ASPRV1: variants seen among roughly 807,000 people sequenced by gnomAD.
ASPRV1 encodes aspartic peptidase retroviral like 1.
A neutral mutation model predicts 11.0 loss-of-function variants in ASPRV1; 7 were observed. The ratio of observed to expected loss-of-function variants is 0.64; its 90% confidence interval spans 0.36 to 1.20. The LOEUF is 1.20. Among genes scored for constraint, ASPRV1 ranks in the 50% most tolerant of loss-of-function variants. ASPRV1 has a pLI of 0.02. For missense variants in ASPRV1, 299 were observed against 320.0 expected (o/e 0.93, Z 0.50); for synonymous variants, 136 against 138.4 (o/e 0.98, Z 0.12).
At chr2:69,935,553 T>C in the ASPRV1 span, 11 of 852,726 alleles carry the variant, frequency 1.3e-5, no homozygotes, top group Non-Finnish European at 2.2e-5. Flanking sequence ...TCCTCTCCCC[T>C]GAACTCCTCC....
the ASPRV1 span, among the ~76,000 whole-genome samples, chr2:69,949,949 G>A: frequency 6.6e-6 from 1 of 152,018 alleles, no homozygotes; most frequent in Non-Finnish European, 1.5e-5. Flanking sequence ...CCGAGTAGCT[G>A]GGATTACAGG....
the ASPRV1 span, among the ~76,000 whole-genome samples, chr2:70,080,408 G>A: frequency 6.6e-6 from 1 of 152,168 alleles, no homozygotes; most frequent in South Asian, 2.1e-4. Context: ...TGTATTTTTA[G>A]TAGAGACAGG....
At chr2:70,038,346 G>A in the ASPRV1 span, among the ~76,000 whole-genome samples, 1 of 152,272 alleles carries the variant, frequency 6.6e-6, no homozygotes, top group South Asian at 2.1e-4. Context: ...CAGTGGCCTG[G>A]GCAACCAGGC....
chr2:70,004,487 G>A, the ASPRV1 span, among the ~76,000 whole-genome samples: 9 of 138,216 alleles, frequency 6.5e-5, no homozygotes, highest in African/African-American at 2.2e-4. Context: ...CTGAGATCGT[G>A]CCACTGTACT....
At chr2:69,986,669 ATGG>A in the ASPRV1 span, among the ~76,000 whole-genome samples, 455 of 152,230 alleles carry the variant, frequency 3.0e-3, 4 homozygotes, top group African/African-American at 0.011. Flanking sequence ...TTTAATCCAG[ATGG>A]TGGGGGACAA....
the ASPRV1 span, among the ~76,000 whole-genome samples, chr2:70,010,533 G>A: frequency 6.6e-5 from 10 of 152,152 alleles, no homozygotes; most frequent in East Asian, 5.8e-4. Context: ...GGCAGACAAC[G>A]AGGCCACAAA....
At chr2:70,041,126 C>T in the ASPRV1 span, among the ~76,000 whole-genome samples, 3 of 152,206 alleles carry the variant, frequency 2.0e-5, no homozygotes, top group Non-Finnish European at 4.4e-5. Context: ...TATTTAAGGT[C>T]ATGGTCAAAG....
At chr2:69,965,875 C>G (rs1678323011), upstream of ASPRV1, among the ~76,000 whole-genome samples, 3 of 152,248 alleles carry the variant, frequency 2.0e-5, no homozygotes, top group South Asian at 6.2e-4. Context: ...AGTGTCACCG[C>G]TGAAGGACAG....
chr2:69,991,400 A>G, the ASPRV1 span, among the ~76,000 whole-genome samples: 4 of 152,128 alleles, frequency 2.6e-5, no homozygotes, highest in Non-Finnish European at 4.4e-5. Flanking sequence ...ACCCAAATAT[A>G]AAATGTTACA....
chr2:69,935,144 T>G, the ASPRV1 span, among the ~76,000 whole-genome samples: 5 of 152,360 alleles, frequency 3.3e-5, no homozygotes, highest in South Asian at 2.1e-4. Flanking sequence ...ATCAATAGAC[T>G]TAGCTTCGAA....
the ASPRV1 span, among the ~76,000 whole-genome samples, chr2:69,983,636 G>A: frequency 2.0e-5 from 3 of 152,158 alleles, no homozygotes; most frequent in Non-Finnish European, 4.4e-5. Flanking sequence ...GGGGAGGGTA[G>A]GGGAGCAGTA....
chr2:70,065,819 C>CAAAAA, the ASPRV1 span, among the ~76,000 whole-genome samples: 60 of 67,440 alleles, frequency 8.9e-4, no homozygotes, highest in African/African-American at 2.9e-3. Context: ...GCTTTTGACT[C>CAAAAA]AAAAAAAAAA....
At chr2:69,936,981 C>T in the ASPRV1 span, 12 of 606,482 alleles carry the variant, frequency 2.0e-5, no homozygotes, top group Non-Finnish European at 3.5e-5. Context: ...ACCAGGGTGC[C>T]AGTATGTGAG....
chr2:70,027,193 G>A, the ASPRV1 span, among the ~76,000 whole-genome samples: 10 of 144,884 alleles, frequency 6.9e-5, no homozygotes, highest in African/African-American at 2.5e-4. Flanking sequence ...GGGAGGTCCA[G>A]GCTGCAGTAA....
the ASPRV1 span, among the ~76,000 whole-genome samples, chr2:69,945,962 G>C: frequency 3.9e-5 from 6 of 152,294 alleles, no homozygotes; most frequent in Non-Finnish European, 7.4e-5. Flanking sequence ...CAGCCATCCT[G>C]GAGGAGAAGG....
chr2:69,958,713 T>C (rs926126316), downstream of ASPRV1, among the ~76,000 whole-genome samples: 2 of 152,210 alleles, frequency 1.3e-5, no homozygotes, highest in African/African-American at 2.4e-5. Flanking sequence ...GAGAGCAGCA[T>C]GCGTTAGGCC....
downstream of ASPRV1, among the ~76,000 whole-genome samples, chr2:69,958,928 C>G (rs930202882): frequency 1.2e-4 from 19 of 152,296 alleles, no homozygotes; most frequent in African/African-American, 4.6e-4. Flanking sequence ...TCCAGGTGCC[C>G]TGGGGCTGAT....
the ASPRV1 span, among the ~76,000 whole-genome samples, chr2:70,084,449 T>C: frequency 5.5e-4 from 83 of 152,280 alleles, no homozygotes; most frequent in Non-Finnish European, 1.0e-3. Flanking sequence ...ATTGCCTAAA[T>C]TCAAATCCTT....
chr2:69,963,936 G>C (rs1194552418), upstream of ASPRV1, among the ~76,000 whole-genome samples: 1 of 152,188 alleles, frequency 6.6e-6, no homozygotes, highest in Non-Finnish European at 1.5e-5. Flanking sequence ...AGTGGACAAA[G>C]AGCTGCTTGT....
Sources: gnomAD v4.1 joint callset for allele counts (sites outside exome capture counted in the v4.1 genomes callset) on GRCh38, gnomAD v4.1.1 for gene constraint, MANE v1.5 for transcripts, NCBI Gene and HGNC (gene_info 2026-07-23, HGNC 2026-07-21) for gene names.